The following IL1RN variants were observed in gnomAD, a reference collection of about 807,000 sequenced individuals.
IL1RN encodes interleukin-1 receptor antagonist protein.
A neutral mutation model predicts 13.7 loss-of-function variants in IL1RN; 10 were observed. The ratio of observed to expected loss-of-function variants is 0.73; its 90% confidence interval spans 0.45 to 1.24. IL1RN has a LOEUF of 1.24. Among genes scored for constraint, IL1RN ranks in the 50% most tolerant of loss-of-function variants. The pLI is 0.00. For missense variants in IL1RN, 213 were observed against 222.1 expected (o/e 0.96, Z 0.26); for synonymous variants, 102 against 82.7 (o/e 1.23, Z -1.27).
chr2:113,099,694 C>T, the IL1RN span, among the ~76,000 whole-genome samples: 397 of 149,418 alleles, frequency 2.7e-3, 3 homozygotes, highest in African/African-American at 7.9e-3. Flanking sequence ...GCCTCCTATC[C>T]GCCATTTTTC....
At chr2:113,110,102 T>C (rs938050917), upstream of IL1RN, among the ~76,000 whole-genome samples, 5 of 152,174 alleles carry the variant, frequency 3.3e-5, no homozygotes, top group East Asian at 1.9e-4. Flanking sequence ...TGGAGACTTA[T>C]GTGGTTGCAG....
At chr2:113,117,805 C>T, upstream of IL1RN, 1 of 628,402 alleles carries the variant, frequency 1.6e-6, no homozygotes, top group Non-Finnish European at 2.9e-6. Flanking sequence ...TCAGCCGGCC[C>T]ATCTCCTCAT....
chr2:113,129,617 AC>A lies in IL1RN; in HGVS notation c.160del (p.Gln54AsnfsTer2). The A allele has an allele frequency of 2.5e-6, 4 of 1,613,490 alleles. No individual in the cohort carries two copies. Among genetic ancestry groups the A allele is most frequent in the Non-Finnish European group, 3.4e-6 (4 of 1,179,360 alleles). ...CAGAAGACCTTCTATCTGAGGAACA[AC>A]CAACTAGTTGCTGGATACTTGCAAG... Reference protein sequence around the residue: ...VNQKTFYLRNNQLVAGYLQGP... With the variant: ...VNQKTFYLRNXQLVAGYLQGP... On this transcript the variant is annotated frameshift_variant, in exon 2 of 4. Coordinates refer to ENST00000409930, the MANE Select transcript of IL1RN (RefSeq NM_173842.3). LOFTEE classifies it high-confidence loss of function.
upstream of IL1RN, among the ~76,000 whole-genome samples, chr2:113,116,040 G>A (rs1175677439): frequency 6.6e-6 from 1 of 152,184 alleles, no homozygotes; most frequent in Non-Finnish European, 1.5e-5. Context: ...GCACTTTACA[G>A]TTGTTAGCCC....
chr2:113,124,383 G>A (rs192999674), upstream of IL1RN, among the ~76,000 whole-genome samples: 161 of 152,230 alleles, frequency 1.1e-3, 1 homozygote, highest in Admixed American at 0.01. Context: ...GTGAGGAAGA[G>A]GGAGAGAGCT....
chr2:113,103,867 A>G (rs1412220917), upstream of IL1RN, among the ~76,000 whole-genome samples: 1 of 152,206 alleles, frequency 6.6e-6, no homozygotes, highest in East Asian at 1.9e-4. Context: ...GACTTCAAAG[A>G]AAGAAAGGAA....
chr2:113,118,163 C>CT, intron 1 of IL1RN: 1 of 1,399,180 alleles, frequency 7.1e-7, no homozygotes, highest in Non-Finnish European at 1.0e-6. Flanking sequence ...AGCTCCAGGC[C>CT]TGTCTGGGGG....
rs72952607 is a variant in IL1RN at position 113,130,306 on chromosome 2, C to T, written c.205+642C>T. On this transcript the variant is annotated intron_variant, in intron 2 of 3. Coordinates refer to ENST00000409930, the MANE Select transcript of IL1RN (RefSeq NM_173842.3). The stretch of plus-strand genomic sequence containing the variant: ...TGCCCTGGTTCTGTCTCCTGTGCCT[C>T]GCTCTGAAAGTGGATGAGACCTACA... Among the ~76,000 whole-genome samples, 346 of 152,340 alleles carry T rather than the reference C, an allele frequency of 2.3e-3. 2 individuals are homozygous for T. The highest frequency in any genetic ancestry group is 8.1e-3 in the African/African-American group (335 of 41,564).
upstream of IL1RN, among the ~76,000 whole-genome samples, chr2:113,123,555 C>A (rs1686853438): frequency 6.6e-6 from 1 of 152,134 alleles, no homozygotes; most frequent in South Asian, 2.1e-4. Flanking sequence ...TTGAAAGGCT[C>A]CTGGCCTACC....
At chr2:113,112,975 G>A (rs535401681), upstream of IL1RN, 5 of 152,178 alleles carry the variant, frequency 3.3e-5, no homozygotes, top group Middle Eastern at 3.4e-3. Flanking sequence ...GCTGACTGAC[G>A]GCTCTACCAC....
In IL1RN at chr2:113,131,041, C is replaced by A; in HGVS notation, c.206-4C>A. ...ACCTGACCCTCCCCTCTGTTCTTCC[C>A]CAGAAAAGATAGATGTGGTACCCAT... On this transcript the variant is annotated splice_polypyrimidine_tract_variant and splice_region_variant and intron_variant, in intron 2 of 3. Transcript: ENST00000409930. The A allele has an allele frequency of 1.3e-6, 2 of 1,577,460 alleles. No individual in the cohort carries two copies. The highest frequency in any genetic ancestry group is 1.7e-6 in the Non-Finnish European group (2 of 1,146,502).
upstream of IL1RN, chr2:113,107,349 G>A (rs915153046): frequency 6.6e-5 from 10 of 152,172 alleles, no homozygotes; most frequent in Admixed American, 2.0e-4. Flanking sequence ...CAACAACAAC[G>A]AAAGCAAGGA....
At chr2:113,118,843 C>G (rs1207981674) in intron 1 of IL1RN, among the ~76,000 whole-genome samples, 1 of 152,118 alleles carries the variant, frequency 6.6e-6, no homozygotes, top group Non-Finnish European at 1.5e-5. Flanking sequence ...TCAAGGCCTG[C>G]CTGGCCAACA....
At chr2:113,124,889 G>T (rs575392463), upstream of IL1RN, among the ~76,000 whole-genome samples, 1 of 152,268 alleles carries the variant, frequency 6.6e-6, no homozygotes, top group East Asian at 1.9e-4. Flanking sequence ...GCGGGGAAAT[G>T]ACACAGAGCA....
chr2:113,121,500 C>T (rs947038675), intron 2 of IL1RN: 51 of 985,406 alleles, frequency 5.2e-5, no homozygotes, highest in Admixed American at 6.1e-5. Flanking sequence ...AAGCATGTAC[C>T]GCTGAAAACA....
At chr2:113,118,865 T>A (rs772804479) in intron 1 of IL1RN, among the ~76,000 whole-genome samples, 1 of 152,136 alleles carries the variant, frequency 6.6e-6, no homozygotes, top group Non-Finnish European at 1.5e-5. Context: ...GGTGAAACCC[T>A]GTCTCTATTA....
At chr2:113,111,768 A>G (rs1364826165) in intron 1 of IL1RN, among the ~76,000 whole-genome samples, 1 of 152,268 alleles carries the variant, frequency 6.6e-6, no homozygotes, top group Non-Finnish European at 1.5e-5. Flanking sequence ...GCCTCACATG[A>G]TAACCTCTAT....
upstream of IL1RN, among the ~76,000 whole-genome samples, chr2:113,104,491 CA>C (rs1686360336): frequency 6.6e-6 from 1 of 152,134 alleles, no homozygotes; most frequent in East Asian, 1.9e-4. Flanking sequence ...ATGGTGGGGG[CA>C]AAAGGTATGC....
intron 1 of IL1RN, among the ~76,000 whole-genome samples, chr2:113,112,033 A>G (rs181430877): frequency 6.6e-6 from 1 of 152,328 alleles, no homozygotes; most frequent in East Asian, 1.9e-4. Context: ...TCCTTTTGCC[A>G]ATGTTGCAAT....
Sources: gnomAD v4.1 joint callset for allele counts (sites outside exome capture counted in the v4.1 genomes callset) on GRCh38, gnomAD v4.1.1 for gene constraint, MANE v1.5 for transcripts, NCBI Gene and HGNC (gene_info 2026-07-23, HGNC 2026-07-21) for gene names.